The following LRRC36 variants were observed in gnomAD, a reference collection of about 807,000 sequenced individuals.
The protein encoded by LRRC36 is leucine rich repeat containing 36.
A neutral mutation model predicts 81.1 loss-of-function variants in LRRC36; 62 were observed. The observed-to-expected ratio is 0.76, with a 90% CI of 0.62 to 0.94. The LOEUF is 0.94. LRRC36 is among the 40% of genes least tolerant of loss of function. The probability of loss-of-function intolerance (pLI) is 0.00; values close to 1 mark genes in which losing one functional copy is unlikely to be tolerated. For synonymous variants in LRRC36, 334 were observed against 348.6 expected (o/e 0.96, Z 0.47); for missense variants, 761 against 881.7 (o/e 0.86, Z 1.73).
chr16:67,361,449 A>G (rs2039142175), intron 5 of LRRC36, among the ~76,000 whole-genome samples: 1 of 152,274 alleles, frequency 6.6e-6, no homozygotes, highest in Non-Finnish European at 1.5e-5. Flanking sequence ...AATCACAGTA[A>G]AAATATTGGT....
intron 9 of LRRC36, 134 bp from the exon 10 acceptor site, chr16:67,375,113 C>G: frequency 1.1e-6 from 1 of 920,824 alleles, no homozygotes; most frequent in Admixed American, 2.4e-5. Context: ...GGTGACAGAG[C>G]GAGACTCCGT....
chr16:67,341,918 G>C (rs369602062), intron 1 of LRRC36, 39 bp from the exon 2 acceptor site: 2 of 1,573,416 alleles, frequency 1.3e-6, no homozygotes, highest in African/African-American at 2.7e-5. Context: ...GTTGATCCGA[G>C]CAGGGATCAT....
chr16:67,337,861 G>A (rs1247600936), intron 1 of LRRC36, among the ~76,000 whole-genome samples: 2 of 151,978 alleles, frequency 1.3e-5, no homozygotes, highest in Non-Finnish European at 2.9e-5. Context: ...CGAGGCAGGC[G>A]GGTCACCTGA....
Position 67,376,764 on chromosome 16 carries a change from G to A in LRRC36, c.1698G>A (p.Pro566=), listed in dbSNP as rs755367016. ...ATTTGCTTCTGTCTTTGGTAGTCCC[G>A]GCTCCTTCTCAGCCGAGGTGTTGCT... ...ARDLLLSLVV[P]APSQPRCCSH... Residue 566 remains proline, a synonymous_variant, in exon 11 of 14, where the codon CCG becomes CCA. Transcript: ENST00000329956. 8.7e-6 allele frequency: 14 copies of A among 1,613,456 alleles called. No individual in the cohort carries two copies. Among genetic ancestry groups the A allele is most frequent in the South Asian group, 4.4e-5 (4 of 91,048 alleles).
intron 1 of LRRC36, among the ~76,000 whole-genome samples, chr16:67,334,111 A>G (rs1471479445): frequency 1.3e-5 from 2 of 149,616 alleles, no homozygotes; most frequent in African/African-American, 5.0e-5. Flanking sequence ...GGCTCACCGC[A>G]AGCTCTGTCT....
intron 1 of LRRC36, among the ~76,000 whole-genome samples, chr16:67,328,130 TA>T (rs2037290257): frequency 6.6e-6 from 1 of 152,154 alleles, no homozygotes; most frequent in South Asian, 2.1e-4. Flanking sequence ...GTCTAATGAT[TA>T]ATTTGGTAGA....
At chr16:67,341,021 A>G (rs1415756824) in intron 1 of LRRC36, among the ~76,000 whole-genome samples, 2 of 121,228 alleles carry the variant, frequency 1.6e-5, no homozygotes, top group South Asian at 5.3e-4. Context: ...TCTATAGAAT[A>G]TGTACTCTAC....
intron 1 of LRRC36, among the ~76,000 whole-genome samples, chr16:67,339,630 A>G (rs1484255713): frequency 6.6e-6 from 1 of 152,122 alleles, no homozygotes; most frequent in Non-Finnish European, 1.5e-5. Context: ...TTTAGTTTCA[A>G]GGTTTTGGAG....
intron 13 of LRRC36, among the ~76,000 whole-genome samples, chr16:67,383,833 C>T (rs974729360): frequency 6.6e-6 from 1 of 152,144 alleles, no homozygotes; most frequent in Non-Finnish European, 1.5e-5. Flanking sequence ...CCTTTCCTTC[C>T]CTCCCACCAT....
chr16:67,349,561 A>G (rs944571059), intron 4 of LRRC36, among the ~76,000 whole-genome samples: 1 of 152,080 alleles, frequency 6.6e-6, no homozygotes. Flanking sequence ...TGTCCTAACT[A>G]TGAGTGTTTT....
chr16:67,352,117 C>T (rs1260015947), intron 5 of LRRC36, among the ~76,000 whole-genome samples: 1 of 152,210 alleles, frequency 6.6e-6, no homozygotes, highest in Non-Finnish European at 1.5e-5. Context: ...TGAAAGTGTA[C>T]TTTCTCTTCT....
At chr16:67,344,758 C>CA (rs1012654403) in intron 2 of LRRC36, among the ~76,000 whole-genome samples, 30 of 151,480 alleles carry the variant, frequency 2.0e-4, no homozygotes, top group Middle Eastern at 3.4e-3. Context: ...ACAACAACAA[C>CA]AAAAAAAACA....
At position 67,347,509 on chromosome 16, in the gene LRRC36, C is replaced by G. The variant is rs1184415767; in HGVS notation, c.406C>G (p.Arg136Gly). The part of the protein sequence containing the change: ...TLEKLDDRTV[R>G]EGERKAAKLH... ...TTTGCCTCCAGATGACCGAACTGTA[C>G]GTGAAGGTGAGAGAAAAGCTGCCAA... The change falls in exon 4 of 14, where the codon CGT becomes GGT. Residue 136 changes from arginine (R) to glycine (G), a missense_variant. Arg to Gly is a moderately radical substitution (Grantham distance 125). Transcript: ENST00000329956. 1.9e-6 allele frequency: 3 copies of G among 1,612,938 alleles called. No individual in the cohort carries two copies. Among genetic ancestry groups the G allele is most frequent in the East Asian group, 4.5e-5 (2 of 44,880 alleles).
At chr16:67,332,033 C>A (rs539174390) in intron 1 of LRRC36, among the ~76,000 whole-genome samples, 1 of 151,826 alleles carries the variant, frequency 6.6e-6, no homozygotes, top group Non-Finnish European at 1.5e-5. Context: ...TAGAAACATT[C>A]ATTGTCATTA....
chr16:67,382,264 C>G lies in LRRC36; in HGVS notation c.2045+17C>G, dbSNP rs1425376937. The G allele has an allele frequency of 6.4e-7, 1 of 1,567,396 alleles. No homozygotes were observed. Among genetic ancestry groups the G allele is most frequent in the African/African-American group, 1.4e-5 (1 of 73,672 alleles). ...AAGTCAGAGGTAGGAGAGGGTCTAT[C>G]TAGCTTGCTTCTAGAAGCAGATATT... On this transcript the variant is annotated intron_variant, in intron 13 of 13. Coordinates refer to ENST00000329956, the MANE Select transcript of LRRC36 (RefSeq NM_018296.6).
In LRRC36 at chr16:67,359,487, A is replaced by T. The variant is rs531916659; in HGVS notation, c.578-4103A>T. On this transcript the variant is annotated intron_variant, in intron 5 of 13. Coordinates refer to ENST00000329956, the MANE Select transcript of LRRC36 (RefSeq NM_018296.6). ...GCCAGAGGATGGAAGGGAGGGAAAA[A>T]TTGGGAATGACAGCTATGGGGTTTC... Among the ~76,000 whole-genome samples, 51 of 152,302 alleles carry T rather than the reference A, an allele frequency of 3.3e-4. No individual in the cohort carries two copies. In the South Asian group the frequency reaches 5.8e-3, roughly 17 times the overall value.
intron 5 of LRRC36, among the ~76,000 whole-genome samples, chr16:67,356,942 T>C (rs2038931571): frequency 6.6e-6 from 1 of 152,196 alleles, no homozygotes; most frequent in African/African-American, 2.4e-5. Context: ...TTACTAATTA[T>C]GTTCATTTTA....
intron 5 of LRRC36, among the ~76,000 whole-genome samples, chr16:67,352,642 CTTATTTATTTATTTATTTAT>C (rs140957876): frequency 1.1e-3 from 155 of 142,858 alleles, no homozygotes; most frequent in African/African-American, 3.5e-3. Context: ...AAATAAATGT[CTTATTTATTTATTTATTTAT>C]TTATTTATTT....
At chr16:67,373,949 G>A (rs2142145534) in intron 9 of LRRC36, among the ~76,000 whole-genome samples, 1 of 152,178 alleles carries the variant, frequency 6.6e-6, no homozygotes, top group Non-Finnish European at 1.5e-5. Flanking sequence ...GGAGGCAGAG[G>A]TTGCAGTGAA....
Sources: allele counts gnomAD v4.1 joint callset (sites outside exome capture counted in the v4.1 genomes callset), GRCh38; gene constraint gnomAD v4.1.1; transcripts MANE v1.5; gene names NCBI Gene and HGNC (gene_info 2026-07-23, HGNC 2026-07-21).